Variants in LDLRAD3 observed in about 807,000 individuals in gnomAD.
LDLRAD3 encodes low-density lipoprotein receptor class A domain-containing protein 3.
LDLRAD3 carries 20 observed loss-of-function variants against 29.4 expected under a neutral mutation model. The ratio of observed to expected loss-of-function variants is 0.68; its 90% CI spans 0.48 to 0.99. LDLRAD3 has a LOEUF of 0.99. LDLRAD3 is among the 50% of genes least tolerant of loss of function. The pLI is 0.00. For missense variants in LDLRAD3, 420 were observed against 454.3 expected, an observed-to-expected ratio of 0.92 and a Z score of 0.69; for synonymous variants, 157 against 192.7, an observed-to-expected ratio of 0.81 and a Z score of 1.53.
intron 1 of LDLRAD3, among the ~76,000 whole-genome samples, chr11:35,983,499 G>A (rs939373938): frequency 1.6e-4 from 24 of 152,212 alleles, no homozygotes; most frequent in African/African-American, 5.3e-4. Context: ...GCTCTCACTG[G>A]CTGGCTTACC....
chr11:36,127,158 C>CA (rs1206322538), intron 4 of LDLRAD3, among the ~76,000 whole-genome samples: 2 of 151,908 alleles, frequency 1.3e-5, no homozygotes, highest in African/African-American at 2.4e-5. Context: ...TAGAAGACTG[C>CA]AAAAAAATGA....
At chr11:36,164,107 T>C (rs908038529) in intron 4 of LDLRAD3, among the ~76,000 whole-genome samples, 4 of 152,174 alleles carry the variant, frequency 2.6e-5, no homozygotes, top group African/African-American at 7.2e-5. Flanking sequence ...CCCTGGGTGA[T>C]CCTCTAGGTC....
At chr11:36,210,859 T>A (rs1346515353) in intron 4 of LDLRAD3, among the ~76,000 whole-genome samples, 1 of 152,222 alleles carries the variant, frequency 6.6e-6, no homozygotes, top group African/African-American at 2.4e-5. Flanking sequence ...CTTCTACAGA[T>A]AACAAAAAGC....
At chr11:36,122,908 A>G (rs1157790195) in intron 4 of LDLRAD3, among the ~76,000 whole-genome samples, 2 of 151,614 alleles carry the variant, frequency 1.3e-5, no homozygotes, top group East Asian at 1.9e-4. Flanking sequence ...AAAGTGACTC[A>G]TGCCTGTAAT....
chr11:35,951,877 C>G (rs1470664187), intron 1 of LDLRAD3, among the ~76,000 whole-genome samples: 1 of 152,188 alleles, frequency 6.6e-6, no homozygotes, highest in Non-Finnish European at 1.5e-5. Context: ...ACCAATAAAT[C>G]ACAGCTTCCG....
chr11:36,066,780 C>T (rs755665509), intron 2 of LDLRAD3, among the ~76,000 whole-genome samples: 1 of 152,182 alleles, frequency 6.6e-6, no homozygotes, highest in Non-Finnish European at 1.5e-5. Context: ...CTTCTGCTCC[C>T]TCAGGGCTGT....
At chr11:36,080,702 A>G (rs927820935) in intron 2 of LDLRAD3, among the ~76,000 whole-genome samples, 24 of 152,202 alleles carry the variant, frequency 1.6e-4, no homozygotes, top group African/African-American at 5.3e-4. Flanking sequence ...CATGGCTGTG[A>G]TTAATTACAG....
At chr11:36,214,841 C>T (rs1428202473) in intron 4 of LDLRAD3, among the ~76,000 whole-genome samples, 3 of 152,192 alleles carry the variant, frequency 2.0e-5, no homozygotes. Flanking sequence ...CTTCACAGGG[C>T]CACAGAGTTA....
intron 1 of LDLRAD3, among the ~76,000 whole-genome samples, chr11:35,998,946 T>C (rs975485786): frequency 6.6e-6 from 1 of 152,206 alleles, no homozygotes; most frequent in Non-Finnish European, 1.5e-5. Context: ...CATTTGTTCA[T>C]GTAAGCCCAC....
chr11:36,011,476 A>G (rs1321909449), intron 1 of LDLRAD3, among the ~76,000 whole-genome samples: 2 of 152,202 alleles, frequency 1.3e-5, no homozygotes, highest in Non-Finnish European at 2.9e-5. Context: ...GTGAGAACAC[A>G]GTGGTCATTG....
intron 1 of LDLRAD3, among the ~76,000 whole-genome samples, chr11:36,020,693 G>A (rs1051013192): frequency 4.6e-5 from 7 of 152,134 alleles, no homozygotes; most frequent in Admixed American, 4.6e-4. Context: ...AGGTCTGAGT[G>A]GGGGCTTGTA....
At chr11:35,952,667 C>T (rs754832786) in intron 1 of LDLRAD3, among the ~76,000 whole-genome samples, 2 of 152,162 alleles carry the variant, frequency 1.3e-5, no homozygotes, top group Non-Finnish European at 2.9e-5. Flanking sequence ...AAAGCAATTT[C>T]TTTTCAGCAC....
intron 4 of LDLRAD3, among the ~76,000 whole-genome samples, chr11:36,103,856 G>A (rs1853487345): frequency 6.6e-6 from 1 of 152,174 alleles, no homozygotes. Flanking sequence ...CCATGTTGTA[G>A]CCTATCTCAG....
At chr11:36,219,362 A>G (rs938921555) in intron 4 of LDLRAD3, among the ~76,000 whole-genome samples, 16 of 152,282 alleles carry the variant, frequency 1.1e-4, no homozygotes, top group African/African-American at 3.4e-4. Flanking sequence ...TCATTTTGGA[A>G]GGGGGAAAAA....
At chr11:36,042,281 C>T (rs1852392844) in intron 2 of LDLRAD3, among the ~76,000 whole-genome samples, 1 of 152,134 alleles carries the variant, frequency 6.6e-6, no homozygotes, top group South Asian at 2.1e-4. Context: ...TCTGAGTTAT[C>T]CTTTACCTTT....
chr11:35,983,747 C>T (rs924750852), intron 1 of LDLRAD3, among the ~76,000 whole-genome samples: 17 of 152,156 alleles, frequency 1.1e-4, no homozygotes, highest in Non-Finnish European at 2.4e-4. Context: ...TCTCCTGCCT[C>T]GGCCTCCTGA....
intron 4 of LDLRAD3, among the ~76,000 whole-genome samples, chr11:36,103,236 C>CTT (rs3082245): frequency 0.038 from 4,762 of 123,888 alleles, 258 homozygotes; most frequent in East Asian, 0.11. Context: ...AGTATTTAAT[C>CTT]TTTTTTTTTT....
At chr11:36,009,016 C>T (rs558390225) in intron 1 of LDLRAD3, among the ~76,000 whole-genome samples, 7 of 152,240 alleles carry the variant, frequency 4.6e-5, no homozygotes, top group East Asian at 3.9e-4. Flanking sequence ...CATGGAGACA[C>T]GGCTAGATAT....
intron 4 of LDLRAD3, among the ~76,000 whole-genome samples, chr11:36,118,295 A>G (rs906239903): frequency 6.6e-6 from 1 of 152,202 alleles, no homozygotes; most frequent in Non-Finnish European, 1.5e-5. Flanking sequence ...GGAAATGGCA[A>G]GAACTGCGAA....
Sources: allele counts gnomAD v4.1 joint callset (sites outside exome capture counted in the v4.1 genomes callset), GRCh38; gene constraint gnomAD v4.1.1; transcripts MANE v1.5; gene names NCBI Gene and HGNC (gene_info 2026-07-23, HGNC 2026-07-21).